The following PCDHGA4 variants were observed in gnomAD, a reference collection of about 807,000 sequenced individuals.
The protein encoded by PCDHGA4 is protocadherin gamma-A4.
In PCDHGA4, 38 loss-of-function variants were observed where a neutral mutation model predicts 54.6. The observed-to-expected ratio is 0.70, with a 90% CI of 0.54 to 0.91. The LOEUF (loss-of-function observed/expected upper bound fraction) is 0.91, where lower values mean the gene tolerates loss of function less well. PCDHGA4 is among the 40% of genes least tolerant of loss of function. The pLI is 0.00. For missense variants in PCDHGA4, 1,298 were observed against 1,220.9 expected (o/e 1.06, Z -0.94); for synonymous variants, 511 against 512.9 (o/e 1.00, Z 0.05).
intron 1 of PCDHGA4, among the ~76,000 whole-genome samples, chr5:141,397,777 C>T (rs1589309887): frequency 6.6e-6 from 1 of 152,170 alleles, no homozygotes; most frequent in Non-Finnish European, 1.5e-5. Flanking sequence ...AGTATATGGA[C>T]GTAAAAACTT....
At chr5:141,409,866 G>T in intron 1 of PCDHGA4, 1 of 1,612,376 alleles carries the variant, frequency 6.2e-7, no homozygotes, top group Non-Finnish European at 8.5e-7. Context: ...GTGGGAGACC[G>T]CAATGACAAC....
intron 1 of PCDHGA4, chr5:141,370,755 G>A: frequency 6.2e-7 from 1 of 1,613,972 alleles, no homozygotes; most frequent in South Asian, 1.1e-5. Context: ...TCATGTAACT[G>A]TGCTGATCCA....
Position 141,431,479 on chromosome 5 carries a change from A to T in PCDHGA4, c.2515-63328A>T. 1 of 1,613,892 alleles carries T rather than the reference A, an allele frequency of 6.2e-7. No individual in the cohort carries two copies. Among genetic ancestry groups the T allele is most frequent in the South Asian group, 1.1e-5 (1 of 91,092 alleles). On this transcript the variant is annotated intron_variant, in intron 1 of 3. Transcript: ENST00000571252. This position sits in a 1 kb window ranked among gnomAD's most constrained non-coding sequence, Gnocchi z 4.8. ...TTCTGGATGCGAACGACAACGCACC[A>T]GCGTTTGCTCAGCCCGAGTACCGCG...
At chr5:141,400,332 T>TC (rs772688780) in intron 1 of PCDHGA4, 6 of 1,613,994 alleles carry the variant, frequency 3.7e-6, no homozygotes, top group South Asian at 3.3e-5. Flanking sequence ...GACCTGTGGT[T>TC]CCCCCCAACT....
At chr5:141,422,638 T>C (rs1412270971) in intron 1 of PCDHGA4, 1 of 1,612,392 alleles carries the variant, frequency 6.2e-7, no homozygotes, top group Non-Finnish European at 8.5e-7. Context: ...CAGGGGTGCC[T>C]CCATCTTCTC....
chr5:141,483,661 T>TGTGTGA (rs1357903548), intron 1 of PCDHGA4, among the ~76,000 whole-genome samples: 7 of 152,042 alleles, frequency 4.6e-5, no homozygotes, highest in African/African-American at 1.7e-4. Context: ...TGTGTGTGTG[T>TGTGTGA]GTGTGTGTAA....
At chr5:141,420,223 G>A in intron 1 of PCDHGA4, 2 of 1,604,640 alleles carry the variant, frequency 1.2e-6, no homozygotes, top group Non-Finnish European at 1.7e-6. Context: ...GCATGCTACT[G>A]GCTAGCATTT....
intron 1 of PCDHGA4, chr5:141,388,947 A>T: frequency 6.2e-7 from 1 of 1,614,054 alleles, no homozygotes; most frequent in Non-Finnish European, 8.5e-7. Context: ...CAACCTAATT[A>T]TGGAGGACGC....
At chr5:141,451,124 A>T (rs2098707796) in intron 1 of PCDHGA4, among the ~76,000 whole-genome samples, 1 of 152,102 alleles carries the variant, frequency 6.6e-6, no homozygotes, top group Non-Finnish European at 1.5e-5. Context: ...CACCACACCC[A>T]GCCTTATGAT....
chr5:141,488,815 T>A (rs769851687), intron 1 of PCDHGA4, among the ~76,000 whole-genome samples: 30 of 152,144 alleles, frequency 2.0e-4, no homozygotes, highest in Non-Finnish European at 4.1e-4. Context: ...ATCTGAGCTG[T>A]CAAACTTTGC....
At chr5:141,471,965 G>A (rs919560714) in intron 1 of PCDHGA4, among the ~76,000 whole-genome samples, 4 of 152,160 alleles carry the variant, frequency 2.6e-5, no homozygotes, top group Non-Finnish European at 4.4e-5. Context: ...GGGGTTGGTT[G>A]CATTACTGTA....
intron 1 of PCDHGA4, among the ~76,000 whole-genome samples, chr5:141,446,473 G>C (rs558209769): frequency 2.0e-4 from 29 of 148,138 alleles, no homozygotes; most frequent in Non-Finnish European, 1.5e-4. Context: ...TAGACATATG[G>C]TCATCATTCT....
intron 2 of PCDHGA4, among the ~76,000 whole-genome samples, chr5:141,500,428 C>G (rs1224554560): frequency 6.6e-6 from 1 of 151,836 alleles, no homozygotes; most frequent in African/African-American, 2.4e-5. Context: ...CCAGGATGGT[C>G]TCGATCTCCT....
intron 1 of PCDHGA4, among the ~76,000 whole-genome samples, chr5:141,460,124 A>AAT (rs2098982741): frequency 6.6e-6 from 1 of 152,052 alleles, no homozygotes; most frequent in African/African-American, 2.4e-5. Context: ...TTATATATGT[A>AAT]ATATATATAT....
intron 1 of PCDHGA4, chr5:141,364,794 C>T (rs1763540796): frequency 6.2e-7 from 1 of 1,613,872 alleles, no homozygotes; most frequent in Non-Finnish European, 8.5e-7. Context: ...TTAGTGCTTC[C>T]CTTCGCGCGG....
chr5:141,505,925 C>T (rs1161562658), intron 3 of PCDHGA4, among the ~76,000 whole-genome samples: 4 of 152,140 alleles, frequency 2.6e-5, no homozygotes, highest in Admixed American at 1.3e-4. Context: ...CTGGGCCTGG[C>T]GCTTGGAAGC....
At chr5:141,410,851 T>A in intron 1 of PCDHGA4, 3 of 207,068 alleles carry the variant, frequency 1.4e-5, no homozygotes, top group Non-Finnish European at 1.7e-5. Flanking sequence ...GTCTTTGTCT[T>A]TTTTTTTTTT....
intron 1 of PCDHGA4, chr5:141,391,966 T>A (rs1389260854): frequency 1.3e-5 from 2 of 152,162 alleles, no homozygotes; most frequent in African/African-American, 2.4e-5. Context: ...ACAATGTAAA[T>A]AAAATAGCAA....
chr5:141,495,870 CCT>C (rs1183994771), intron 2 of PCDHGA4, among the ~76,000 whole-genome samples: 2 of 152,100 alleles, frequency 1.3e-5, no homozygotes. Flanking sequence ...TTTCTGCTTT[CCT>C]CTCTGTTCTT....
Sources: gnomAD v4.1 joint callset for allele counts (sites outside exome capture counted in the v4.1 genomes callset) on GRCh38, gnomAD v4.1.1 for gene constraint, Gnocchi (gnomAD v3.1) non-coding constraint, MANE v1.5 for transcripts, NCBI Gene and HGNC (gene_info 2026-07-23, HGNC 2026-07-21) for gene names.